Variants in GLRX3 observed in about 807,000 individuals in gnomAD.
The protein encoded by GLRX3 is glutaredoxin-3.
In GLRX3, 22 loss-of-function variants were observed where a neutral mutation model predicts 49.5. The ratio of observed to expected loss-of-function variants is 0.44; its 90% CI spans 0.32 to 0.63. GLRX3 has a LOEUF of 0.63. Ranked by LOEUF, GLRX3 falls within the 30% of genes least tolerant of loss-of-function variation. The pLI is 0.05. For missense variants in GLRX3, 385 were observed against 396.3 expected (o/e 0.97, Z 0.24); for synonymous variants, 133 against 140.0 (o/e 0.95, Z 0.35).
At chr10:130,147,463 A>G (rs1480795462) in intron 2 of GLRX3, among the ~76,000 whole-genome samples, 1 of 152,176 alleles carries the variant, frequency 6.6e-6, no homozygotes, top group East Asian at 1.9e-4. Context: ...TATCTCTGTG[A>G]GCCAAAGGTT....
intron 10 of GLRX3, 67 bp from the exon 11 acceptor site, chr10:130,179,275 T>G: frequency 1.3e-6 from 1 of 756,598 alleles, no homozygotes; most frequent in Admixed American, 2.5e-5. Context: ...CAAGCTGTGA[T>G]TGTTTAGATG....
At chr10:130,161,805 T>C (rs1862581787) in intron 4 of GLRX3, among the ~76,000 whole-genome samples, 1 of 152,148 alleles carries the variant, frequency 6.6e-6, no homozygotes, top group South Asian at 2.1e-4. Flanking sequence ...TTTATTAAGA[T>C]AGGGGCAGTA....
chr10:130,157,018 C>T (rs1355185181), intron 2 of GLRX3, among the ~76,000 whole-genome samples: 1 of 152,200 alleles, frequency 6.6e-6, no homozygotes, highest in Non-Finnish European at 1.5e-5. Flanking sequence ...TGTTTCTCAG[C>T]TCTGCCATTT....
intron 6 of GLRX3, among the ~76,000 whole-genome samples, 184 bp downstream of exon 6, chr10:130,167,164 T>C (rs146641634): frequency 9.2e-5 from 14 of 152,366 alleles, no homozygotes; most frequent in African/African-American, 3.1e-4. Flanking sequence ...GGAGAAATTT[T>C]AGCACCAACT....
At chr10:130,166,452 T>G in intron 4 of GLRX3, 55 bp from the exon 5 acceptor site, 1 of 1,243,070 alleles carries the variant, frequency 8.0e-7, no homozygotes, top group Non-Finnish European at 1.2e-6. Flanking sequence ...TATTATCATG[T>G]GTATGTGTTT....
chr10:130,158,657 A>G (rs1011344572), intron 2 of GLRX3, among the ~76,000 whole-genome samples: 4 of 152,126 alleles, frequency 2.6e-5, no homozygotes, highest in African/African-American at 9.7e-5. Flanking sequence ...CTAGTCATTA[A>G]CTTTTCTGGT....
At chr10:130,144,286 CT>C (rs111691897) in intron 1 of GLRX3, among the ~76,000 whole-genome samples, 15,065 of 116,062 alleles carry the variant, frequency 0.13, 587 homozygotes, top group Middle Eastern at 0.15. Context: ...ATTTGCCTGG[CT>C]TTTTTTTTTT....
At position 130,171,089 on chromosome 10, in the gene GLRX3, C is replaced by T. The variant is rs569076134; in HGVS notation, c.772-495C>T. On this transcript the variant is annotated intron_variant, in intron 7 of 10. Coordinates refer to ENST00000331244, the MANE Select transcript of GLRX3 (RefSeq NM_006541.5). ...ATTGCAGTGAGCCGAGATCACACTC[C>T]AGCCTGGGGACAGAGTGAGACTCTG... is the stretch of plus-strand genomic sequence containing the variant. Among the ~76,000 whole-genome samples, 4 of 151,984 alleles carry T rather than the reference C, an allele frequency of 2.6e-5. No homozygotes were observed. In the East Asian group the frequency reaches 7.7e-4, roughly 29 times the overall value.
intron 2 of GLRX3, among the ~76,000 whole-genome samples, chr10:130,147,500 G>A (rs979842489): frequency 2.6e-5 from 4 of 152,320 alleles, no homozygotes; most frequent in Middle Eastern, 3.4e-3. Flanking sequence ...ATTTTGGGTT[G>A]TGGGGGATAC....
intron 2 of GLRX3, among the ~76,000 whole-genome samples, chr10:130,159,481 A>G (rs1343965025): frequency 6.6e-6 from 1 of 152,234 alleles, no homozygotes; most frequent in Non-Finnish European, 1.5e-5. Context: ...AGGAGTTAAA[A>G]GCAAAATTTA....
Position 130,146,752 on chromosome 10 carries a change from A to G in GLRX3, c.201+1433A>G, listed in dbSNP as rs77054031. Among the ~76,000 whole-genome samples, 1,162 of 152,328 alleles carry G rather than the reference A, an allele frequency of 7.6e-3. 22 individuals carry two copies. Among genetic ancestry groups the G allele is most frequent in the African/African-American group, 0.026 (1,099 of 41,558 alleles). On this transcript the variant is annotated intron_variant, in intron 2 of 10. Coordinates refer to ENST00000331244, the MANE Select transcript of GLRX3 (RefSeq NM_006541.5). ...TGTGAGTTCAGAGTACATGTTACCC[A>G]ATATACTCATATATGGGATTAAAAA...
intron 2 of GLRX3, among the ~76,000 whole-genome samples, chr10:130,149,138 A>G (rs1018770139): frequency 6.6e-6 from 1 of 152,068 alleles, no homozygotes; most frequent in Non-Finnish European, 1.5e-5. Flanking sequence ...TACCTGAGTC[A>G]CTGCCATGTC....
In GLRX3 at chr10:130,151,154, A is replaced by G. The variant is rs567476752; in HGVS notation, c.201+5835A>G. ...TGTTGGCCAGGCTGGTTTCGAACTCATGACCTCGTGATCCGCCTGCCTCGG... is the reference window on the plus strand; with the variant it reads ...TGTTGGCCAGGCTGGTTTCGAACTCGTGACCTCGTGATCCGCCTGCCTCGG... On this transcript the variant is annotated intron_variant, in intron 2 of 10. Transcript: ENST00000331244. Among the ~76,000 whole-genome samples the G allele has an allele frequency of 2.0e-3, 302 of 151,996 alleles. 1 individual carries two copies. Among genetic ancestry groups the G allele is most frequent in the Non-Finnish European group, 3.2e-3 (215 of 67,970 alleles).
In GLRX3 at chr10:130,174,978, A is replaced by G. The variant is rs763603935; in HGVS notation, c.865-19A>G. 1.9e-6 allele frequency: 3 copies of G among 1,586,508 alleles called. No individual in the cohort carries two copies. Among genetic ancestry groups the G allele is most frequent in the African/African-American group, 2.7e-5 (2 of 74,366 alleles). On this transcript the variant is annotated intron_variant, in intron 9 of 10. Coordinates refer to ENST00000331244, the MANE Select transcript of GLRX3 (RefSeq NM_006541.5). ...AAGGGCCTGATAGGATGGTTTCAGG[A>G]TTCCTGTTGTTTCTTTAGGTTCGGC...
intron 1 of GLRX3, among the ~76,000 whole-genome samples, chr10:130,143,371 T>C (rs1036472208): frequency 6.6e-6 from 1 of 152,202 alleles, no homozygotes; most frequent in Non-Finnish European, 1.5e-5. Context: ...TTCAGATTTT[T>C]TTGGGAGGTG....
intron 1 of GLRX3, among the ~76,000 whole-genome samples, chr10:130,136,934 A>G (rs1327604706): frequency 6.6e-6 from 1 of 152,142 alleles, no homozygotes; most frequent in Non-Finnish European, 1.5e-5. Context: ...AGCGGGACCC[A>G]CGGCTGCGGG....
At position 130,174,880 on chromosome 10, in the gene GLRX3, A is replaced by T; in HGVS notation, c.838A>T (p.Thr280Ser). ...ILNSTGVEYE[T>S]FDILEDEEVR... ...TCTTTTTTGCAGTGTTGAATATGAA[A>T]CATTCGATATATTGGAGGATGAAGA... Residue 280 changes from threonine (T) to serine (S), a missense_variant, in exon 9 of 11, where the codon ACA (threonine) becomes TCA (serine). Transcript: ENST00000331244. The T allele has an allele frequency of 1.9e-6, 3 of 1,595,782 alleles. No homozygotes were observed. In the South Asian group the frequency reaches 3.3e-5, roughly 18 times the overall value.
intron 2 of GLRX3, among the ~76,000 whole-genome samples, chr10:130,156,651 C>G (rs1250124097): frequency 6.6e-6 from 1 of 152,170 alleles, no homozygotes; most frequent in Non-Finnish European, 1.5e-5. Context: ...TGTAGCTATT[C>G]GCCGTTACTG....
chr10:130,148,317 G>A (rs1212070684), intron 2 of GLRX3, among the ~76,000 whole-genome samples: 3 of 151,636 alleles, frequency 2.0e-5, no homozygotes, highest in Non-Finnish European at 2.9e-5. Context: ...TTTTTGTAGC[G>A]ATACGGTTTC....
Sources: allele counts gnomAD v4.1 joint callset (sites outside exome capture counted in the v4.1 genomes callset), GRCh38; gene constraint gnomAD v4.1.1; transcripts MANE v1.5; gene names NCBI Gene and HGNC (gene_info 2026-07-23, HGNC 2026-07-21).